Variants in KMT2E observed in about 807,000 individuals in gnomAD.
KMT2E encodes the protein lysine methyltransferase 2E (inactive), also known as histone reader KMT2E.
Under a neutral mutation model 184.6 loss-of-function variants are expected in KMT2E, and 30 were observed. That is an observed-to-expected ratio of 0.16 (90% CI 0.12 to 0.22). The LOEUF (loss-of-function observed/expected upper bound fraction) is 0.22. KMT2E is among the 10% of genes least tolerant of loss of function. The probability of loss-of-function intolerance (pLI) is 1.00; values close to 1 mark genes in which losing one functional copy is unlikely to be tolerated. For missense variants in KMT2E, 2,023 were observed against 2,237.4 expected, an observed-to-expected ratio of 0.90 and a Z score of 1.93; for synonymous variants, 815 against 776.5, an observed-to-expected ratio of 1.05 and a Z score of -0.82.
chr7:105,055,132 C>T (rs1796525614), intron 3 of KMT2E, among the ~76,000 whole-genome samples: 1 of 151,812 alleles, frequency 6.6e-6, no homozygotes. Context: ...TGTCATACTA[C>T]TACTCCACTT....
intron 3 of KMT2E, among the ~76,000 whole-genome samples, chr7:105,058,227 CTTTTTCTA>C (rs1353672644): frequency 6.6e-6 from 1 of 152,054 alleles, no homozygotes; most frequent in Non-Finnish European, 1.5e-5. Context: ...TTCCTTTTCT[CTTTTTCTA>C]TTTTTCTTTT....
Position 105,074,662 on chromosome 7 carries a change from T to C in KMT2E, c.576T>C (p.Thr192=), listed in dbSNP as rs371775776. 1.5e-4 allele frequency: 240 copies of C among 1,557,954 alleles called. No individual in the cohort carries two copies. Among genetic ancestry groups the C allele is most frequent in the Non-Finnish European group, 2.0e-4 (230 of 1,153,506 alleles). ...CTGAAGATGGTGATACCAGTGCAAC[T>C]GAGAGTGGTGATGAGGTTCCTGTGG... ...ENMSDGDTSA[T]ESGDEVPVEL... The change falls in exon 8 of 27, where the codon ACT becomes ACC. Residue 192 remains threonine (T), a synonymous_variant. Transcript: ENST00000311117.
At chr7:105,085,646 G>C (rs892740554) in intron 13 of KMT2E, among the ~76,000 whole-genome samples, 3 of 151,932 alleles carry the variant, frequency 2.0e-5, no homozygotes, top group Admixed American at 2.0e-4. Flanking sequence ...CAGCCACATT[G>C]CATCTGTCTT....
intron 13 of KMT2E, among the ~76,000 whole-genome samples, chr7:105,088,373 G>C (rs909145149): frequency 6.6e-6 from 1 of 152,170 alleles, no homozygotes; most frequent in African/African-American, 2.4e-5. Flanking sequence ...TTTGGGAGGC[G>C]GGAGGTAGGA....
intron 13 of KMT2E, among the ~76,000 whole-genome samples, chr7:105,089,578 C>T (rs901770264): frequency 6.6e-6 from 1 of 152,208 alleles, no homozygotes; most frequent in African/African-American, 2.4e-5. Flanking sequence ...GCAGTCAGAA[C>T]TTTGTTTCAG....
chr7:105,071,044 T>G (rs1270410355), intron 6 of KMT2E, among the ~76,000 whole-genome samples: 1 of 152,170 alleles, frequency 6.6e-6, no homozygotes, highest in Admixed American at 6.5e-5. Context: ...TATGTAGATA[T>G]GTATCTATAT....
In KMT2E at chr7:105,111,998, T is replaced by C. The variant is rs1484791311; in HGVS notation, c.4242T>C (p.Asn1414=). Residue 1414 remains asparagine, a synonymous_variant, in exon 27 of 27, where the codon AAT becomes AAC. Coordinates refer to ENST00000311117, the MANE Select transcript of KMT2E (RefSeq NM_182931.3). ...ATAACAACCAAGCACTTTCAAAGAA[T>C]CATCCTCCTCAGACACACGTTCGTA... ...LSNNNQALSK[N]HPPQTHVRNS... The C allele has an allele frequency of 1.2e-6, 2 of 1,614,050 alleles. No individual in the cohort carries two copies. Among genetic ancestry groups the C allele is most frequent in the East Asian group, 2.2e-5 (1 of 44,894 alleles).
chr7:105,032,830 A>T (rs1795482175), intron 1 of KMT2E, among the ~76,000 whole-genome samples: 1 of 152,226 alleles, frequency 6.6e-6, no homozygotes, highest in Non-Finnish European at 1.5e-5. Context: ...TTTGATTATT[A>T]ATTACAATAA....
At chr7:105,034,031 G>A (rs970277450) in intron 1 of KMT2E, among the ~76,000 whole-genome samples, 3 of 152,154 alleles carry the variant, frequency 2.0e-5, no homozygotes, top group African/African-American at 7.2e-5. Context: ...GCCACCCACA[G>A]AGTCGGGGCC....
intron 3 of KMT2E, among the ~76,000 whole-genome samples, chr7:105,043,990 T>C (rs916778445): frequency 6.6e-6 from 1 of 152,078 alleles, no homozygotes; most frequent in Non-Finnish European, 1.5e-5. Flanking sequence ...CCCAGCTACT[T>C]GGGAGGCTGA....
At chr7:105,075,544 TTATATGTCTAACACCCTCCCAA>T in intron 8 of KMT2E, among the ~76,000 whole-genome samples, 1 of 152,290 alleles carries the variant, frequency 6.6e-6, no homozygotes, top group South Asian at 2.1e-4. Context: ...TTCAACAAAA[TTATATGTCTAACACCCTCCCAA>T]TTTTTATCAG....
chr7:105,036,957 A>G lies in KMT2E; in HGVS notation c.-188-1169A>G, dbSNP rs146249809. ...AAGCATTCGTAGGTAGTAACTTGGA[A>G]TGGATCTGATTGACTAGTATTCTTT... On this transcript the variant is annotated intron_variant, in intron 1 of 26. Coordinates refer to ENST00000311117, the MANE Select transcript of KMT2E (RefSeq NM_182931.3). 4.8e-4 allele frequency among the ~76,000 whole-genome samples: 73 copies of G among 152,290 alleles called. 1 individual carries two copies. The highest frequency in any genetic ancestry group is 1.7e-3 in the African/African-American group (72 of 41,530).
intron 3 of KMT2E, among the ~76,000 whole-genome samples, chr7:105,053,414 G>A (rs1353695194): frequency 6.6e-6 from 1 of 152,030 alleles, no homozygotes; most frequent in Non-Finnish European, 1.5e-5. Flanking sequence ...TTTGCATACT[G>A]TTTAATTGAT....
chr7:105,112,704 C>T lies in KMT2E; in HGVS notation c.4948C>T (p.His1650Tyr), dbSNP rs1799368492. ...LVQQPNSHQQ[H>Y]SVAHVVGPVH... ...ACAACAGCCGAATTCCCATCAGCAA[C>T]ACTCTGTAGCACATGTAGTAGGGCC... Residue 1650 changes from histidine to tyrosine, a missense_variant, in exon 27 of 27, where the codon CAC becomes TAC. Physicochemically the swap from His to Tyr is moderately conservative, Grantham distance 83 (BLOSUM62 2). Coordinates refer to ENST00000311117, the MANE Select transcript of KMT2E (RefSeq NM_182931.3). 1.2e-6 allele frequency: 2 copies of T among 1,613,872 alleles called. No individual in the cohort carries two copies. The highest frequency in any genetic ancestry group is 1.1e-5 in the South Asian group (1 of 91,066).
intron 3 of KMT2E, among the ~76,000 whole-genome samples, chr7:105,052,287 T>C (rs927361246): frequency 1.3e-5 from 2 of 152,240 alleles, no homozygotes; most frequent in African/African-American, 4.8e-5. Context: ...ATCATTCTTA[T>C]GTTCTTGGCA....
intron 3 of KMT2E, among the ~76,000 whole-genome samples, chr7:105,043,075 A>G (rs1795949312): frequency 6.6e-6 from 1 of 152,162 alleles, no homozygotes; most frequent in African/African-American, 2.4e-5. Context: ...TTAAATTTTT[A>G]ATTGGGAAGA....
At position 105,114,728 on chromosome 7, in the gene KMT2E, CTCAT is replaced by C. The variant is rs1466659486; in HGVS notation, c.*1399_*1402del. Among the ~76,000 whole-genome samples the C allele has an allele frequency of 2.0e-5, 3 of 152,140 alleles. No homozygotes were observed. The highest frequency in any genetic ancestry group is 4.8e-5 in the African/African-American group (2 of 41,428). On this transcript the variant is annotated 3_prime_UTR_variant, in exon 27 of 27. Transcript: ENST00000311117. ...GTAAACACTAAAATGACTGCGTGAC[CTCAT>C]TCAGTCATGTTTTTACACTTTGAAC...
chr7:105,037,084 A>G (rs1372278746), intron 1 of KMT2E, among the ~76,000 whole-genome samples: 1 of 152,166 alleles, frequency 6.6e-6, no homozygotes. Context: ...ATTTCTTTCA[A>G]GTTTCTTTAA....
chr7:105,108,125 A>G (rs1462088770), intron 22 of KMT2E, among the ~76,000 whole-genome samples, 200 bp downstream of exon 22: 1 of 152,192 alleles, frequency 6.6e-6, no homozygotes, highest in Admixed American at 6.5e-5. Flanking sequence ...TTCTAGTAAT[A>G]TGGGAAATCC....
Sources: allele counts gnomAD v4.1 joint callset (sites outside exome capture counted in the v4.1 genomes callset), GRCh38; gene constraint gnomAD v4.1.1; transcripts MANE v1.5; gene names NCBI Gene and HGNC (gene_info 2026-07-23, HGNC 2026-07-21).